The following TEAD4 variants were observed in gnomAD, a reference collection of about 807,000 sequenced individuals.
TEAD4 encodes the protein TEA domain transcription factor 4, also known as transcriptional enhancer factor TEF-3.
In TEAD4, 36 loss-of-function variants were observed where a neutral mutation model predicts 52.4. That is an observed-to-expected ratio of 0.69 (90% CI 0.53 to 0.91). TEAD4 has a LOEUF of 0.91. Among genes scored for constraint, TEAD4 ranks in the 40% least tolerant of loss-of-function variants. TEAD4 has a pLI of 0.00. For missense variants in TEAD4, 508 were observed against 583.9 expected (o/e 0.87, Z 1.34); for synonymous variants, 220 against 231.0 (o/e 0.95, Z 0.43).
Position 2,994,376 on chromosome 12 carries a change from T to C in TEAD4, c.-29-362T>C, listed in dbSNP as rs2098245543. 6.6e-6 allele frequency among the ~76,000 whole-genome samples: 1 copy of C among 152,192 alleles called. No individual in the cohort carries two copies. The highest frequency in any genetic ancestry group is 1.5e-5 in the Non-Finnish European group (1 of 68,028). ...CAGGCGTGAGCCACAGCGCCCGGCCTGTACCATTTTGCATTCCCACCAACA... is the reference window on the plus strand; with the variant it reads ...CAGGCGTGAGCCACAGCGCCCGGCCCGTACCATTTTGCATTCCCACCAACA... On this transcript the variant is annotated intron_variant, in intron 2 of 12. Coordinates refer to ENST00000359864, the MANE Select transcript of TEAD4 (RefSeq NM_003213.4). The surrounding 1 kb of genome is among the most constrained non-coding windows in gnomAD (Gnocchi z 4.7).
intron 3 of TEAD4, among the ~76,000 whole-genome samples, chr12:2,999,257 G>C (rs2098249707): frequency 6.6e-6 from 1 of 152,020 alleles, no homozygotes; most frequent in African/African-American, 2.4e-5. Flanking sequence ...TGAGCCCCCA[G>C]CTGCTTCTAG....
At position 2,973,957 on chromosome 12, in the gene TEAD4, G is replaced by A. The variant is rs150315334; in HGVS notation, c.-30+13917G>A. Reference sequence around the variant, plus strand: ...TTTCTGGGTCAGGGTGGGTCCTCTGGGATGGTAACCTCAGCCTAGGGTCTG... The same window carrying A: ...TTTCTGGGTCAGGGTGGGTCCTCTGAGATGGTAACCTCAGCCTAGGGTCTG... On this transcript the variant is annotated intron_variant, in intron 2 of 12. Transcript: ENST00000359864. Among the ~76,000 whole-genome samples, 992 of 152,196 alleles carry A rather than the reference G, an allele frequency of 6.5e-3. 20 individuals are homozygous for A. Among genetic ancestry groups the A allele is most frequent in the African/African-American group, 0.022 (930 of 41,526 alleles).
rs114959418 is a variant in TEAD4 at position 3,016,823 on chromosome 12, C to T, written c.355-575C>T. ...TGTTCCGGGCCTATTCAGGGTGAAC[C>T]CATCCTCTGGGGTCTTGGAACCTTT... is the stretch of plus-strand genomic sequence containing the variant. On this transcript the variant is annotated intron_variant, in intron 5 of 12. Transcript: ENST00000359864. 2.0e-3 allele frequency among the ~76,000 whole-genome samples: 300 copies of T among 152,250 alleles called. 2 individuals are homozygous for T. The highest frequency in any genetic ancestry group is 7.0e-3 in the African/African-American group (291 of 41,550).
rs2098245498 is a variant in TEAD4 at position 2,994,352 on chromosome 12, A to G, written c.-29-386A>G. Among the ~76,000 whole-genome samples the G allele has an allele frequency of 1.3e-5, 2 of 152,220 alleles. No homozygotes were observed. The highest frequency in any genetic ancestry group is 6.5e-5 in the Admixed American group (1 of 15,288). On this transcript the variant is annotated intron_variant, in intron 2 of 12. Coordinates refer to ENST00000359864, the MANE Select transcript of TEAD4 (RefSeq NM_003213.4). This position sits in a 1 kb window ranked among gnomAD's most constrained non-coding sequence, Gnocchi z 4.7. ...CAGCCTCCCAGAGTGCTGGGATTACAGGCGTGAGCCACAGCGCCCGGCCTG... is the reference window on the plus strand; with the variant it reads ...CAGCCTCCCAGAGTGCTGGGATTACGGGCGTGAGCCACAGCGCCCGGCCTG...
At chr12:3,038,581 T>C (rs2098280793) in intron 11 of TEAD4, among the ~76,000 whole-genome samples, 1 of 152,228 alleles carries the variant, frequency 6.6e-6, no homozygotes, top group African/African-American at 2.4e-5. Flanking sequence ...TTTCTGCTTA[T>C]GGGTACCCTG....
At chr12:3,027,577 C>G (rs2098272794) in intron 10 of TEAD4, among the ~76,000 whole-genome samples, 1 of 152,152 alleles carries the variant, frequency 6.6e-6, no homozygotes, top group African/African-American at 2.4e-5. Flanking sequence ...AAAAATAATA[C>G]AAAAATTAGT....
chr12:2,990,133 T>C (rs1401582116), intron 2 of TEAD4, among the ~76,000 whole-genome samples: 1 of 152,210 alleles, frequency 6.6e-6, no homozygotes, highest in Non-Finnish European at 1.5e-5. Context: ...AAGTTGTTAA[T>C]CCCAACCATT....
chr12:2,962,307 A>AAT (rs1555118313), intron 2 of TEAD4, among the ~76,000 whole-genome samples: 2 of 110,292 alleles, frequency 1.8e-5, no homozygotes, highest in Non-Finnish European at 3.4e-5. Context: ...TATAAATATA[A>AAT]ATATATAAAT....
chr12:2,962,280 ATATATT>A (rs2098216052), intron 2 of TEAD4, among the ~76,000 whole-genome samples: 1 of 142,032 alleles, frequency 7.0e-6, no homozygotes, highest in Non-Finnish European at 1.5e-5. Context: ...ATATATTTAT[ATATATT>A]TATTTATATA....
chr12:2,962,286 T>TTTATATATTTA (rs2098216073), intron 2 of TEAD4, among the ~76,000 whole-genome samples: 2 of 59,910 alleles, frequency 3.3e-5, no homozygotes, highest in African/African-American at 4.4e-5. Context: ...TTATATATAT[T>TTTATATATTTA]TATTTATATA....
intron 2 of TEAD4, among the ~76,000 whole-genome samples, chr12:2,965,737 G>A (rs1393201195): frequency 6.6e-6 from 1 of 151,896 alleles, no homozygotes; most frequent in Non-Finnish European, 1.5e-5. Context: ...GTAGAGACGG[G>A]GTTTCACCAT....
intron 2 of TEAD4, among the ~76,000 whole-genome samples, chr12:2,985,860 T>C (rs7489092): frequency 0.14 from 21,596 of 150,440 alleles, 3,240 homozygotes; most frequent in African/African-American, 0.36. Context: ...CCGAGGCGGG[T>C]GGATCACTAC....
intron 10 of TEAD4, among the ~76,000 whole-genome samples, chr12:3,030,774 G>C (rs2098274994): frequency 6.6e-6 from 1 of 152,210 alleles, no homozygotes; most frequent in Admixed American, 6.5e-5. Flanking sequence ...GGCAGTCGCT[G>C]TTTGGAGTGC....
chr12:3,011,355 C>T (rs984030562), intron 4 of TEAD4, among the ~76,000 whole-genome samples: 7 of 152,062 alleles, frequency 4.6e-5, no homozygotes, highest in Admixed American at 1.3e-4. Flanking sequence ...CTCAGCCTAC[C>T]GAGTAGCTGG....
At chr12:2,961,339 A>T (rs1352065837) in intron 2 of TEAD4, among the ~76,000 whole-genome samples, 1 of 151,850 alleles carries the variant, frequency 6.6e-6, no homozygotes, top group African/African-American at 2.4e-5. Flanking sequence ...AGCTTGTTGC[A>T]TGAGGGCTTC....
At chr12:2,963,213 CCTT>C (rs943821771) in intron 2 of TEAD4, among the ~76,000 whole-genome samples, 1 of 152,200 alleles carries the variant, frequency 6.6e-6, no homozygotes, top group Non-Finnish European at 1.5e-5. Context: ...GTCACAACCT[CCTT>C]TGATTTCCAC....
At chr12:3,023,790 C>A (rs1351230841) in intron 10 of TEAD4, among the ~76,000 whole-genome samples, 96 of 131,986 alleles carry the variant, frequency 7.3e-4, no homozygotes, top group Middle Eastern at 3.8e-3. Flanking sequence ...GAGACTGTCT[C>A]AAAAAAAAAA....
chr12:2,989,477 C>T (rs545782194), intron 2 of TEAD4, among the ~76,000 whole-genome samples: 25 of 152,234 alleles, frequency 1.6e-4, no homozygotes, highest in Admixed American at 6.5e-5. Flanking sequence ...CTCCTTCTGT[C>T]GCCCAGGCTG....
At chr12:2,962,346 A>ATATATTTT (rs1350931012) in intron 2 of TEAD4, among the ~76,000 whole-genome samples, 47 of 128,056 alleles carry the variant, frequency 3.7e-4, no homozygotes, top group East Asian at 1.7e-3. Flanking sequence ...ATATATATAT[A>ATATATTTT]TTTTTTGAGA....
Sources: gnomAD v4.1 joint callset for allele counts (sites outside exome capture counted in the v4.1 genomes callset) on GRCh38, gnomAD v4.1.1 for gene constraint, Gnocchi (gnomAD v3.1) non-coding constraint, MANE v1.5 for transcripts, NCBI Gene and HGNC (gene_info 2026-07-23, HGNC 2026-07-21) for gene names.